DOCK1: variants seen among roughly 807,000 people sequenced by gnomAD.
The protein encoded by DOCK1 is dedicator of cytokinesis 1.
A neutral mutation model predicts 262.7 loss-of-function variants in DOCK1; 138 were observed. The observed-to-expected ratio is 0.53, with a 90% CI of 0.46 to 0.61. DOCK1 has a LOEUF of 0.61. Among genes scored for constraint, DOCK1 ranks in the 20% least tolerant of loss-of-function variants. The pLI is 0.00. For missense variants in DOCK1, 1,908 were observed against 2,370.7 expected, an observed-to-expected ratio of 0.80 and a Z score of 4.05; for synonymous variants, 866 against 867.4, an observed-to-expected ratio of 1.00 and a Z score of 0.03.
rs928271421 is a variant in DOCK1, at chr10:127,182,275, A to T, written c.2847+54511A>T. Among the ~76,000 whole-genome samples the T allele has an allele frequency of 2.0e-5, 3 of 152,180 alleles. 1 individual carries two copies. The highest frequency in any genetic ancestry group is 4.4e-5 in the Non-Finnish European group (3 of 68,018). On this transcript the variant is annotated intron_variant, in intron 27 of 51. Coordinates refer to ENST00000623213, the MANE Select transcript of DOCK1 (RefSeq NM_001290223.2). Reference sequence around the variant, plus strand: ...TCTTAGGTTCAGCCCCCACTCATGCATATCTGCGGTTTTAGAAAACACTCT... The same window carrying T: ...TCTTAGGTTCAGCCCCCACTCATGCTTATCTGCGGTTTTAGAAAACACTCT...
At chr10:127,048,445 T>C (rs1394016871) in intron 21 of DOCK1, among the ~76,000 whole-genome samples, 3 of 152,170 alleles carry the variant, frequency 2.0e-5, no homozygotes, top group Non-Finnish European at 4.4e-5. Flanking sequence ...TTTTGAACAT[T>C]TTCTTCCTGC....
intron 17 of DOCK1, 94 bp from the exon 18 acceptor site, chr10:127,032,043 A>G (rs2043274236): frequency 7.0e-7 from 1 of 1,422,284 alleles, no homozygotes; most frequent in Non-Finnish European, 9.7e-7. Flanking sequence ...AGCAATTACG[A>G]TGGTTACAAG....
chr10:127,254,095 G>T (rs1255984188), intron 28 of DOCK1, among the ~76,000 whole-genome samples: 1 of 152,078 alleles, frequency 6.6e-6, no homozygotes, highest in African/African-American at 2.4e-5. Context: ...TGCTCCATGA[G>T]AATTCAGCAA....
At chr10:127,113,950 A>G (rs1047718344) in intron 25 of DOCK1, among the ~76,000 whole-genome samples, 67 of 152,202 alleles carry the variant, frequency 4.4e-4, no homozygotes, top group African/African-American at 1.5e-3. Flanking sequence ...CACACTCAGA[A>G]ATAATGTTCA....
intron 27 of DOCK1, among the ~76,000 whole-genome samples, chr10:127,134,909 G>A (rs1045283817): frequency 6.6e-6 from 1 of 152,156 alleles, no homozygotes; most frequent in Non-Finnish European, 1.5e-5. Flanking sequence ...AGATGGGTTA[G>A]TATTAGGCTA....
At chr10:127,347,154 T>C (rs779329295) in intron 31 of DOCK1, among the ~76,000 whole-genome samples, 8 of 152,248 alleles carry the variant, frequency 5.3e-5, no homozygotes, top group Non-Finnish European at 1.2e-4. Flanking sequence ...CCTACCCCAA[T>C]GCTTAAATTT....
chr10:126,964,835 T>G (rs2037538216), intron 1 of DOCK1, among the ~76,000 whole-genome samples: 1 of 152,214 alleles, frequency 6.6e-6, no homozygotes, highest in East Asian at 1.9e-4. Flanking sequence ...AATATTGTGT[T>G]TCTCTTTCTT....
At chr10:127,343,031 G>T (rs2063497602) in intron 30 of DOCK1, among the ~76,000 whole-genome samples, 1 of 152,104 alleles carries the variant, frequency 6.6e-6, no homozygotes, top group Admixed American at 6.5e-5. Context: ...GATCACTTGA[G>T]GTCAGGAGTT....
At chr10:127,336,041 C>T (rs1272052063) in intron 29 of DOCK1, among the ~76,000 whole-genome samples, 2 of 151,530 alleles carry the variant, frequency 1.3e-5, no homozygotes, top group Non-Finnish European at 2.9e-5. Context: ...TTAGTACAGA[C>T]GGGGTTTCAC....
rs149072403 is a variant in DOCK1 at position 127,105,142 on chromosome 10, T to A, written c.2446-1089T>A. Among the ~76,000 whole-genome samples the A allele has an allele frequency of 8.3e-4, 126 of 152,324 alleles. 1 individual carries two copies. Among genetic ancestry groups the A allele is most frequent in the African/African-American group, 3.0e-3 (125 of 41,582 alleles). On this transcript the variant is annotated intron_variant, in intron 23 of 51. Coordinates refer to ENST00000623213, the MANE Select transcript of DOCK1 (RefSeq NM_001290223.2). ...CCCTTGCACAAACTTTGTTGCCTGC[T>A]GCCATGTAAGATGTGCTTTTGCTCC...
chr10:127,234,869 A>G (rs2058988734), intron 27 of DOCK1, among the ~76,000 whole-genome samples: 1 of 150,522 alleles, frequency 6.6e-6, no homozygotes. Context: ...CTTATAGGAC[A>G]TGGTGATTTT....
intron 38 of DOCK1, among the ~76,000 whole-genome samples, chr10:127,391,625 T>C (rs539464574): frequency 6.6e-6 from 1 of 152,246 alleles, no homozygotes; most frequent in East Asian, 1.9e-4. Context: ...ATAGCGAGCC[T>C]TCCCCGCTGA....
chr10:127,310,447 C>G (rs1354434266), intron 29 of DOCK1, among the ~76,000 whole-genome samples: 1 of 152,094 alleles, frequency 6.6e-6, no homozygotes. Context: ...TTGTCGCTGC[C>G]TTATTATGGA....
At chr10:127,204,435 C>T (rs1186596363) in intron 27 of DOCK1, among the ~76,000 whole-genome samples, 1 of 152,078 alleles carries the variant, frequency 6.6e-6, no homozygotes, top group Non-Finnish European at 1.5e-5. Context: ...TACAGGCATG[C>T]ACCACCACAC....
In DOCK1 at chr10:127,157,872, A is replaced by G. The variant is rs117558066; in HGVS notation, c.2847+30108A>G. Among the ~76,000 whole-genome samples the G allele has an allele frequency of 7.5e-3, 1,143 of 152,346 alleles. 3 individuals carry two copies. Among genetic ancestry groups the G allele is most frequent in the Middle Eastern group, 0.014 (4 of 294 alleles). On this transcript the variant is annotated intron_variant, in intron 27 of 51. Coordinates refer to ENST00000623213, the MANE Select transcript of DOCK1 (RefSeq NM_001290223.2). The stretch of plus-strand genomic sequence containing the variant: ...GGAGATTAATTTGTGAATAAAATTT[A>G]AAGTGTTGACCTTGTCATGTGGTTA...
chr10:127,338,348 CA>C (rs1379416741), intron 29 of DOCK1, among the ~76,000 whole-genome samples: 6 of 152,246 alleles, frequency 3.9e-5, no homozygotes, highest in African/African-American at 1.2e-4. Flanking sequence ...TATTTCATTA[CA>C]AAAAGTATAT....
intron 22 of DOCK1, among the ~76,000 whole-genome samples, chr10:127,056,106 G>A (rs922549878): frequency 2.0e-5 from 3 of 152,274 alleles, no homozygotes; most frequent in Admixed American, 2.0e-4. Context: ...GGCTCCCTAA[G>A]CCTCTGAGGC....
At chr10:127,284,512 T>C (rs759008656) in intron 29 of DOCK1, among the ~76,000 whole-genome samples, 22 of 152,234 alleles carry the variant, frequency 1.4e-4, no homozygotes, top group Non-Finnish European at 2.6e-4. Context: ...TAAATAATTC[T>C]TCATAGTTTA....
intron 51 of DOCK1, among the ~76,000 whole-genome samples, chr10:127,450,095 C>T (rs545275315): frequency 6.6e-6 from 1 of 152,256 alleles, no homozygotes; most frequent in South Asian, 2.1e-4. Context: ...TTCTAACCAA[C>T]CTTAAAAAGA....
Sources: allele counts gnomAD v4.1 joint callset (sites outside exome capture counted in the v4.1 genomes callset), GRCh38; gene constraint gnomAD v4.1.1; transcripts MANE v1.5; gene names NCBI Gene and HGNC (gene_info 2026-07-23, HGNC 2026-07-21).